The following MPZL1 variants were observed in gnomAD, a reference collection of about 807,000 sequenced individuals.
MPZL1 encodes myelin protein zero-like protein 1.
A neutral mutation model predicts 29.3 loss-of-function variants in MPZL1; 16 were observed. The ratio of observed to expected loss-of-function variants is 0.55; its 90% CI spans 0.37 to 0.83. MPZL1 has a LOEUF of 0.83. Among genes scored for constraint, MPZL1 ranks in the 40% least tolerant of loss-of-function variants. The probability of loss-of-function intolerance (pLI) is 0.00; values close to 1 mark genes in which losing one functional copy is unlikely to be tolerated. For synonymous variants in MPZL1, 143 were observed against 132.0 expected (o/e 1.08, Z -0.57); for missense variants, 279 against 332.9 (o/e 0.84, Z 1.26).
intron 1 of MPZL1, among the ~76,000 whole-genome samples, chr1:167,737,290 G>A (rs2101753356): frequency 6.6e-6 from 1 of 152,264 alleles, no homozygotes; most frequent in Non-Finnish European, 1.5e-5. Context: ...CAGAGAGGGT[G>A]AAAATAAGGA....
chr1:167,764,651 T>C (rs893340752), intron 1 of MPZL1, among the ~76,000 whole-genome samples: 1 of 152,180 alleles, frequency 6.6e-6, no homozygotes, highest in African/African-American at 2.4e-5. Flanking sequence ...GTGATAACAA[T>C]TGCGTAACAG....
chr1:167,771,742 G>T (rs1458940973), intron 2 of MPZL1, among the ~76,000 whole-genome samples: 2 of 152,140 alleles, frequency 1.3e-5, no homozygotes, highest in Admixed American at 1.3e-4. Flanking sequence ...GGCAGAGGCT[G>T]TAATCTTAGT....
chr1:167,776,026 A>G, intron 4 of MPZL1, 38 bp from the exon 5 acceptor site: 1 of 1,353,404 alleles, frequency 7.4e-7, no homozygotes, highest in Non-Finnish European at 1.0e-6. Flanking sequence ...TATTATTATT[A>G]TTTTTTACAT....
At chr1:167,740,908 T>C (rs1200043824) in intron 1 of MPZL1, among the ~76,000 whole-genome samples, 1 of 152,336 alleles carries the variant, frequency 6.6e-6, no homozygotes, top group Non-Finnish European at 1.5e-5. Context: ...TTCACTCCCA[T>C]GTCCAATCTA....
At chr1:167,723,988 T>C (rs1660092934) in intron 1 of MPZL1, among the ~76,000 whole-genome samples, 2 of 152,200 alleles carry the variant, frequency 1.3e-5, no homozygotes, top group Admixed American at 1.3e-4. Context: ...TAGGTCTCAC[T>C]GTGTTGCCCA....
intron 1 of MPZL1, among the ~76,000 whole-genome samples, chr1:167,722,598 A>G (rs1459806874): frequency 6.6e-6 from 1 of 152,044 alleles, no homozygotes; most frequent in African/African-American, 2.4e-5. Context: ...GTGACTCTGG[A>G]TCGTCTAGGC....
chr1:167,786,822 A>G lies in MPZL1; in HGVS notation c.709-998A>G, dbSNP rs3738233. Among the ~76,000 whole-genome samples, 109 of 152,366 alleles carry G rather than the reference A, an allele frequency of 7.2e-4. 1 individual carries two copies. The East Asian group carries it at 0.02, about 28-fold the overall frequency. On this transcript the variant is annotated intron_variant, in intron 5 of 5. Coordinates refer to ENST00000359523, the MANE Select transcript of MPZL1 (RefSeq NM_003953.6). ...CTTAAGCACGTTATTAGACTTCTCA[A>G]GGAGAGTTCCCCTAGATTGGGAGAA...
chr1:167,738,214 G>A (rs1478239676), intron 1 of MPZL1, among the ~76,000 whole-genome samples: 5 of 151,940 alleles, frequency 3.3e-5, no homozygotes, highest in African/African-American at 4.8e-5. Context: ...GTGAGCCACC[G>A]CGCCTGGCCA....
At chr1:167,770,760 A>G (rs568614503) in intron 2 of MPZL1, among the ~76,000 whole-genome samples, 4 of 152,006 alleles carry the variant, frequency 2.6e-5, no homozygotes, top group Non-Finnish European at 5.9e-5. Flanking sequence ...CCTAAATTTT[A>G]CTCTGGGTCC....
intron 1 of MPZL1, among the ~76,000 whole-genome samples, chr1:167,727,275 C>CTAATA (rs1424657022): frequency 6.6e-6 from 1 of 152,142 alleles, no homozygotes; most frequent in Non-Finnish European, 1.5e-5. Context: ...CACACTGGAG[C>CTAATA]TAATATAGTA....
chr1:167,766,674 T>C (rs1661120356), intron 2 of MPZL1, among the ~76,000 whole-genome samples: 1 of 152,334 alleles, frequency 6.6e-6, no homozygotes, highest in South Asian at 2.1e-4. Context: ...ACATTGTTGA[T>C]CACCACCTAG....
intron 5 of MPZL1, chr1:167,787,251 T>TA (rs1383752848): frequency 6.6e-6 from 1 of 152,254 alleles, no homozygotes; most frequent in Non-Finnish European, 1.5e-5. Context: ...ACGCTCAGAC[T>TA]AAAAGAATTA....
chr1:167,779,700 G>A (rs1661452298), intron 5 of MPZL1, among the ~76,000 whole-genome samples: 1 of 152,146 alleles, frequency 6.6e-6, no homozygotes, highest in Non-Finnish European at 1.5e-5. Context: ...TGGAAGGATG[G>A]AAGAATACTG....
At position 167,772,644 on chromosome 1, in the gene MPZL1, C is replaced by A. The variant is rs558107820; in HGVS notation, c.472+156C>A. On this transcript the variant is annotated intron_variant, in intron 3 of 5. Coordinates refer to ENST00000359523, the MANE Select transcript of MPZL1 (RefSeq NM_003953.6). ...CACGAACCTGTGGCTCTACCAAACA[C>A]ACTTGGAGCTGGGAAACTTGTTGCT... Among the ~76,000 whole-genome samples, 88 of 152,288 alleles carry A rather than the reference C, an allele frequency of 5.8e-4. 1 individual carries two copies. Among genetic ancestry groups the A allele is most frequent in the Non-Finnish European group, 7.1e-4 (48 of 68,030 alleles).
chr1:167,780,865 G>A (rs1370917525), intron 5 of MPZL1, among the ~76,000 whole-genome samples: 2 of 152,122 alleles, frequency 1.3e-5, no homozygotes, highest in African/African-American at 4.8e-5. Context: ...TGGTAAAGAT[G>A]CTAATTTTTA....
chr1:167,753,236 C>T (rs74120654), intron 1 of MPZL1, among the ~76,000 whole-genome samples: 210 of 152,314 alleles, frequency 1.4e-3, no homozygotes, highest in African/African-American at 4.5e-3. Context: ...GGTAAGCTGG[C>T]TGCGTGGCAT....
At chr1:167,730,464 A>G (rs1277200668) in intron 1 of MPZL1, among the ~76,000 whole-genome samples, 2 of 151,974 alleles carry the variant, frequency 1.3e-5, no homozygotes, top group Non-Finnish European at 2.9e-5. Context: ...TTTTTAGTAG[A>G]GACAGGGTTT....
At chr1:167,765,151 A>G (rs1189832935) in intron 1 of MPZL1, 1 of 152,454 alleles carries the variant, frequency 6.6e-6, no homozygotes, top group Non-Finnish European at 1.5e-5. Flanking sequence ...GTGGTTAACA[A>G]TGATGTAACC....
At chr1:167,729,159 A>T (rs2101746410) in intron 1 of MPZL1, among the ~76,000 whole-genome samples, 1 of 152,096 alleles carries the variant, frequency 6.6e-6, no homozygotes, top group South Asian at 2.1e-4. Context: ...AATCCCAGCC[A>T]CTTGGGAGGC....
Sources: allele counts gnomAD v4.1 joint callset (sites outside exome capture counted in the v4.1 genomes callset), GRCh38; gene constraint gnomAD v4.1.1; transcripts MANE v1.5; gene names NCBI Gene and HGNC (gene_info 2026-07-23, HGNC 2026-07-21).